Variants in NOX1 observed in about 807,000 individuals in gnomAD.
NOX1 encodes the protein NADH/NADPH mitogenic oxidase subunit P65-MOX.
In NOX1, 34 loss-of-function variants were observed where a neutral mutation model predicts 42.5. That is an observed-to-expected ratio of 0.80 (90% CI 0.61 to 1.07). The LOEUF (loss-of-function observed/expected upper bound fraction) is 1.07. Among genes scored for constraint, NOX1 ranks in the 50% least tolerant of loss-of-function variants. The pLI, the probability that NOX1 is intolerant of heterozygous loss-of-function variation, is 0.00. For synonymous variants in NOX1, 143 were observed against 152.5 expected (o/e 0.94, Z 0.46); for missense variants, 408 against 427.0 (o/e 0.96, Z 0.39).
chrX:100,853,699 C>T (rs2085146814), intron 7 of NOX1, among the ~76,000 whole-genome samples: 1 of 107,903 alleles, frequency 9.3e-6, no homozygotes, highest in Admixed American at 9.8e-5. Context: ...CCACACCTGG[C>T]GAATTTTTGC....
intron 2 of NOX1, among the ~76,000 whole-genome samples, 157 bp downstream of exon 2, chrX:100,870,562 T>C (rs967120400): frequency 1.8e-5 from 2 of 111,901 alleles, no homozygotes; most frequent in Non-Finnish European, 3.8e-5. Context: ...AAAAAAATAA[T>C]TTGTCATTTA....
At position 100,870,833 on chromosome X, in the gene NOX1, A is replaced by C; in HGVS notation, c.46-19T>G. ...AAACAACCTAGAGAAAGAAAAAAAA[A>C]CATGCAAAGAATAAAGTGAAATTTG... On this transcript the variant is annotated intron_variant, in intron 1 of 12. Transcript: ENST00000372966. 2.0e-6 allele frequency: 2 copies of C among 1,011,107 alleles called. No homozygotes were observed. Among genetic ancestry groups the C allele is most frequent in the East Asian group, 3.1e-5 (1 of 32,772 alleles). 83.3% of individuals were successfully genotyped at this position (1,011,107 alleles called of 1,213,427 possible). A position where few individuals can be genotyped will look rare whatever the true frequency, so the allele number is the denominator to read the frequency against.
rs1321444889 is a variant in NOX1 at position 100,851,249 on chromosome X, T to C, written c.881A>G (p.Lys294Arg). The C allele has an allele frequency of 8.4e-7, 1 of 1,185,037 alleles. No homozygotes were observed. Among genetic ancestry groups the C allele is most frequent in the Non-Finnish European group, 1.1e-6 (1 of 874,071 alleles). Residue 294 changes from lysine to arginine, a missense_variant, in exon 8 of 13, where the codon AAG becomes AGG. Transcript: ENST00000372966. Reference protein sequence around the residue: ...RILRFYRSQQKVVITKVVMHP... With the variant: ...RILRFYRSQQRVVITKVVMHP... ...ATTCTTTACCTTGGTAATCACAACCTTCTGCTGGGAGCGGTAAAACCGGAG... is the reference window on the plus strand; with the variant it reads ...ATTCTTTACCTTGGTAATCACAACCCTCTGCTGGGAGCGGTAAAACCGGAG...
At chrX:100,871,448 A>G (rs962564023) in intron 1 of NOX1, among the ~76,000 whole-genome samples, 1 of 112,779 alleles carries the variant, frequency 8.9e-6, no homozygotes. Context: ...CACCTATAAC[A>G]ATACCTAACT....
chrX:100,866,520 G>GTGTGTA (rs1199368350), intron 2 of NOX1, among the ~76,000 whole-genome samples: 4 of 108,131 alleles, frequency 3.7e-5, no homozygotes, highest in African/African-American at 1.4e-4. Flanking sequence ...GTGTGTGTGT[G>GTGTGTA]TATCTCTGGG....
chrX:100,870,639 G>C (rs1475322617), intron 2 of NOX1, 80 bp downstream of exon 2: 8 of 675,238 alleles, frequency 1.2e-5, no homozygotes, highest in African/African-American at 2.2e-5. Flanking sequence ...GAGAATATCA[G>C]GGCATTGGGT....
chrX:100,862,241 T>C lies in NOX1; in HGVS notation c.734A>G (p.Glu245Gly). The stretch of plus-strand genomic sequence containing the variant: ...ACGATCATCCCACATCTCAAAAGAC[T>C]CTGCACACTTGCGAGGATGACTCTC... ...MNESHPRKCA[E>G]SFEMWDDRDS... is the part of the protein sequence containing the mutation. Residue 245 changes from glutamate (E) to glycine (G), a missense_variant, in exon 7 of 13, where the codon GAG becomes GGG. Glu to Gly is a moderately conservative substitution (Grantham distance 98). Coordinates refer to ENST00000372966, the MANE Select transcript of NOX1 (RefSeq NM_007052.5). 6 of 1,210,903 alleles carry C rather than the reference T, an allele frequency of 5.0e-6. No homozygotes were observed. The highest frequency in any genetic ancestry group is 6.7e-6 in the Non-Finnish European group (6 of 894,993).
At chrX:100,871,971 T>C (rs2085277788) in intron 1 of NOX1, among the ~76,000 whole-genome samples, 1 of 112,165 alleles carries the variant, frequency 8.9e-6, no homozygotes, top group Admixed American at 9.5e-5. Flanking sequence ...AAACCTCAAT[T>C]TCTTCACCTG....
In NOX1 at chrX:100,862,677, G is replaced by A. The variant is rs376420578; in HGVS notation, c.481C>T (p.Arg161Ter). The change falls in exon 5 of 13, where the codon CGA becomes TGA. Residue 161 changes from arginine (R) to a stop codon, truncating the protein, a stop_gained. Transcript: ENST00000372966. LOFTEE classifies it high-confidence loss of function. The part of the protein sequence containing the change: ...GGSWLNPIQS[R>*]NTTVEYVTFT... ...CTAGAAAGTCAACTCACCGTGTTTC[G>A]GGACTGGATGGGATTTAGCCAAGAA... The A allele has an allele frequency of 3.2e-5, 38 of 1,192,531 alleles. No individual in the cohort carries two copies. Among genetic ancestry groups the A allele is most frequent in the South Asian group, 2.6e-4 (14 of 53,629 alleles).
Position 100,863,472 on chromosome X carries a change from G to C in NOX1, c.252+13C>G, listed in dbSNP as rs2085219469. The C allele has an allele frequency of 1.7e-6, 2 of 1,205,741 alleles. No homozygotes were observed. The highest frequency in any genetic ancestry group is 2.2e-6 in the Non-Finnish European group (2 of 890,720). ...TTAATGTGAAAGTTGACTTAGGAGT[G>C]GTTGGGACTCACTGAGCAGGTGCCC... On this transcript the variant is annotated intron_variant, in intron 3 of 12. Coordinates refer to ENST00000372966, the MANE Select transcript of NOX1 (RefSeq NM_007052.5).
At chrX:100,869,830 T>C (rs1365345096) in intron 2 of NOX1, among the ~76,000 whole-genome samples, 56 of 88,533 alleles carry the variant, frequency 6.3e-4, no homozygotes, top group Non-Finnish European at 1.0e-3. Context: ...TTTTGAAATA[T>C]GTCCCATCAA....
Position 100,862,248 on chromosome X carries a change from A to T in NOX1, c.727T>A (p.Cys243Ser), listed in dbSNP as rs777518570. The T allele has an allele frequency of 1.1e-5, 13 of 1,209,141 alleles. No individual in the cohort carries two copies. The highest frequency in any genetic ancestry group is 1.1e-6 in the Non-Finnish European group (1 of 894,777). The change falls in exon 7 of 13, where the codon TGT (cysteine) becomes AGT (serine). Residue 243 changes from cysteine (C) to serine (S), a missense_variant. Coordinates refer to ENST00000372966, the MANE Select transcript of NOX1 (RefSeq NM_007052.5). Reference protein sequence around the residue: ...ESMNESHPRKCAESFEMWDDR... With the variant: ...ESMNESHPRKSAESFEMWDDR... ...TCCCACATCTCAAAAGACTCTGCAC[A>T]CTTGCGAGGATGACTCTCATTCATG... is the stretch of plus-strand genomic sequence containing the variant.
At chrX:100,868,609 G>A (rs941354248) in intron 2 of NOX1, among the ~76,000 whole-genome samples, 9 of 110,899 alleles carry the variant, frequency 8.1e-5, no homozygotes, top group Non-Finnish European at 1.7e-4. Context: ...CTTGAATTCT[G>A]TAGCACCCAT....
Position 100,843,423 on chromosome X carries a change from G to A in NOX1, c.*529C>T. Reference sequence around the variant, plus strand: ...CCATATCAAAAGTGACAGTAAACATGTACACTGTTGGTGTTATATGGGGAT... The same window carrying A: ...CCATATCAAAAGTGACAGTAAACATATACACTGTTGGTGTTATATGGGGAT... On this transcript the variant is annotated 3_prime_UTR_variant, in exon 13 of 13. Coordinates refer to ENST00000372966, the MANE Select transcript of NOX1 (RefSeq NM_007052.5). 8.8e-7 allele frequency: 1 copy of A among 1,140,927 alleles called. No homozygotes were observed. The highest frequency in any genetic ancestry group is 1.2e-6 in the Non-Finnish European group (1 of 863,230). The allele number at this position is 1,140,927 out of a possible 1,213,427, so 94.0% of individuals were successfully genotyped here.
chrX:100,850,399 C>T lies in NOX1; in HGVS notation c.898-13G>A, dbSNP rs879039197. 2 of 1,086,409 alleles carry T rather than the reference C, an allele frequency of 1.8e-6. No homozygotes were observed. The highest frequency in any genetic ancestry group is 4.3e-5 in the South Asian group (2 of 46,840). The allele number at this position is 1,086,409 out of a possible 1,213,427, so 89.5% of individuals were successfully genotyped here. Reference sequence around the variant, plus strand: ...GGTGCATAACAACCTGTGAATGAAGCACATAGACCAAAGAAAGCAAACTCT... The same window carrying T: ...GGTGCATAACAACCTGTGAATGAAGTACATAGACCAAAGAAAGCAAACTCT... On this transcript the variant is annotated splice_polypyrimidine_tract_variant and intron_variant, in intron 8 of 12. Transcript: ENST00000372966.
intron 7 of NOX1, chrX:100,856,014 C>A: frequency 9.2e-7 from 1 of 1,088,425 alleles, no homozygotes; most frequent in Non-Finnish European, 1.3e-6. Flanking sequence ...TCAAAGTAAT[C>A]TCTTAGGTGA....
intron 12 of NOX1, among the ~76,000 whole-genome samples, chrX:100,846,965 A>C (rs1327195463): frequency 9.0e-6 from 1 of 111,635 alleles, no homozygotes; most frequent in African/African-American, 3.3e-5. Flanking sequence ...AGGTGAGTGA[A>C]TCACCTGAGG....
intron 2 of NOX1, among the ~76,000 whole-genome samples, chrX:100,867,248 C>G (rs1201623751): frequency 9.0e-6 from 1 of 111,163 alleles, no homozygotes; most frequent in Admixed American, 9.6e-5. Flanking sequence ...TCTCGATCTC[C>G]TGACCTCGTG....
intron 8 of NOX1, 53 bp downstream of exon 8, chrX:100,851,180 G>A: frequency 1.3e-6 from 1 of 779,370 alleles, no homozygotes. Flanking sequence ...TAGTTCTGTA[G>A]TCCGGTAGAA....
Sources: allele counts gnomAD v4.1 joint callset (sites outside exome capture counted in the v4.1 genomes callset), GRCh38; gene constraint gnomAD v4.1.1; transcripts MANE v1.5; gene names NCBI Gene and HGNC (gene_info 2026-07-23, HGNC 2026-07-21).